Variants in TRIM24 observed in about 807,000 individuals in gnomAD.
TRIM24 encodes transcription intermediary factor 1-alpha.
TRIM24 carries 29 observed loss-of-function variants against 123.9 expected under a neutral mutation model. The ratio of observed to expected loss-of-function variants is 0.23; its 90% CI spans 0.17 to 0.32. TRIM24 has a LOEUF of 0.32. Among genes scored for constraint, TRIM24 ranks in the 10% least tolerant of loss-of-function variants. The probability of loss-of-function intolerance (pLI) is 1.00; values close to 1 mark genes in which losing one functional copy is unlikely to be tolerated. For missense variants in TRIM24, 932 were observed against 1,295.3 expected (o/e 0.72, Z 4.31); for synonymous variants, 456 against 461.1 (o/e 0.99, Z 0.14).
chr7:138,503,478 ATGTT>A (rs966228271), intron 1 of TRIM24, among the ~76,000 whole-genome samples: 21 of 151,934 alleles, frequency 1.4e-4, no homozygotes, highest in Admixed American at 1.2e-3. Flanking sequence ...TTTTCATTAA[ATGTT>A]TGTTTGTTGT....
chr7:138,540,476 A>G (rs1010807441), intron 7 of TRIM24, among the ~76,000 whole-genome samples: 2 of 152,318 alleles, frequency 1.3e-5, no homozygotes, highest in East Asian at 3.9e-4. Flanking sequence ...TCAAAAAACC[A>G]CTTTTCTGTG....
In TRIM24 at chr7:138,549,154, C is replaced by T. The variant is rs922094714; in HGVS notation, c.1144-1909C>T. 9.2e-5 allele frequency among the ~76,000 whole-genome samples: 14 copies of T among 152,168 alleles called. 1 individual carries two copies. The highest frequency in any genetic ancestry group is 1.5e-5 in the Non-Finnish European group (1 of 68,034). ...ATAAACACTTGAGTAATGCCTGGTGCTGTGATGTTACAACAGCTCCAGCAT... is the reference window on the plus strand; with the variant it reads ...ATAAACACTTGAGTAATGCCTGGTGTTGTGATGTTACAACAGCTCCAGCAT... On this transcript the variant is annotated intron_variant, in intron 7 of 18. Coordinates refer to ENST00000343526, the MANE Select transcript of TRIM24 (RefSeq NM_015905.3).
At chr7:138,539,801 C>CTTTTT (rs528996607) in intron 7 of TRIM24, among the ~76,000 whole-genome samples, 1 of 129,628 alleles carries the variant, frequency 7.7e-6, no homozygotes, top group Non-Finnish European at 1.6e-5. Context: ...ATTAAGTAAT[C>CTTTTT]TTTTTTTTTT....
intron 14 of TRIM24, 67 bp from the exon 15 acceptor site, chr7:138,579,137 G>C: frequency 7.4e-7 from 1 of 1,356,156 alleles, no homozygotes. Context: ...GTGGTCTACA[G>C]TTCAGAATTG....
In TRIM24 at chr7:138,538,129, T is replaced by C. The variant is rs117330716; in HGVS notation, c.997-528T>C. Reference sequence around the variant, plus strand: ...TGTTGGCTCCGATGTTAATTCTCAATAGACAAATAATATGATGCCTTTTAA... The same window carrying C: ...TGTTGGCTCCGATGTTAATTCTCAACAGACAAATAATATGATGCCTTTTAA... On this transcript the variant is annotated intron_variant, in intron 6 of 18. Coordinates refer to ENST00000343526, the MANE Select transcript of TRIM24 (RefSeq NM_015905.3). Among the ~76,000 whole-genome samples, 877 of 152,328 alleles carry C rather than the reference T, an allele frequency of 5.8e-3. 30 individuals are homozygous for C. Among genetic ancestry groups the C allele is most frequent in the Admixed American group, 0.048 (729 of 15,302 alleles).
At position 138,460,343 on chromosome 7, in the gene TRIM24, C is replaced by G. The variant is rs1212423133; in HGVS notation, c.-206C>G. On this transcript the variant is annotated 5_prime_UTR_variant, in exon 1 of 19. Transcript: ENST00000343526. ...AGGAACGGTCTCCGCTGACAGATAC[C>G]CTCCTTCCGGCCGCGCCACTCGGGA... The G allele has an allele frequency of 2.2e-6, 1 of 448,902 alleles. No individual in the cohort carries two copies. Among genetic ancestry groups the G allele is most frequent in the Non-Finnish European group, 3.7e-6 (1 of 273,158 alleles). The allele number at this position is 448,902 out of a possible 1,614,324, so 27.8% of individuals were successfully genotyped here. A position where few individuals can be genotyped will look rare whatever the true frequency, so the allele number is the denominator to read the frequency against.
Position 138,554,841 on chromosome 7 carries a change from C to G in TRIM24, c.1405C>G (p.Arg469Gly). Residue 469 changes from arginine (R) to glycine (G), a missense_variant, in exon 9 of 19, where the codon CGG becomes GGG. Arg to Gly is a moderately radical substitution (Grantham distance 125, BLOSUM62 -2). Around this residue, in one of 7 missense-constraint regions of TRIM24, gnomAD observed 527 missense variants for 691.3 expected, o/e 0.76. Coordinates refer to ENST00000343526, the MANE Select transcript of TRIM24 (RefSeq NM_015905.3). This position sits in a 1 kb window ranked among gnomAD's most constrained non-coding sequence, Gnocchi z 4.5. The stretch of plus-strand genomic sequence containing the variant: ...AACACAGATCAGCCTAGCTCAATTA[C>G]GGCTCCAGCATATGCAGCAACAGGT... ...FPTQISLAQL[R>G]LQHMQQQVMA... is the part of the protein sequence containing the mutation. 6.2e-7 allele frequency: 1 copy of G among 1,614,156 alleles called. No individual in the cohort carries two copies. The highest frequency in any genetic ancestry group is 8.5e-7 in the Non-Finnish European group (1 of 1,180,008).
intron 7 of TRIM24, among the ~76,000 whole-genome samples, chr7:138,543,463 A>G (rs1797042665): frequency 6.6e-6 from 1 of 152,148 alleles, no homozygotes; most frequent in African/African-American, 2.4e-5. Flanking sequence ...AAATCATTAT[A>G]TTGTATAACT....
rs1351642415 is a variant in TRIM24, at chr7:138,589,279, T to A, written c.*4328T>A. On this transcript the variant is annotated 3_prime_UTR_variant, in exon 19 of 19. Transcript: ENST00000343526. ...TTTTCTCCATGAAGGTTTTACTTAT[T>A]GAGAGGGACATCTGAGGCAGTAGTC... 1 of 152,220 alleles carries A rather than the reference T, an allele frequency of 6.6e-6. No homozygotes were observed. Among genetic ancestry groups the A allele is most frequent in the Admixed American group, 6.5e-5 (1 of 15,286 alleles). 9.4% of individuals were successfully genotyped at this position (152,220 alleles called of 1,614,324 possible).
At chr7:138,571,364 T>G (rs1797652693) in intron 11 of TRIM24, among the ~76,000 whole-genome samples, 1 of 152,202 alleles carries the variant, frequency 6.6e-6, no homozygotes, top group Non-Finnish European at 1.5e-5. Flanking sequence ...TTATAGGTTG[T>G]TTGTTTTTAC....
chr7:138,531,244 A>G (rs1796731496), intron 6 of TRIM24, among the ~76,000 whole-genome samples: 1 of 151,826 alleles, frequency 6.6e-6, no homozygotes, highest in African/African-American at 2.4e-5. Context: ...GTTACACGTT[A>G]CATGTTACAT....
At chr7:138,577,356 A>G in intron 13 of TRIM24, 64 bp from the exon 14 acceptor site, 2 of 1,312,834 alleles carry the variant, frequency 1.5e-6, no homozygotes, top group East Asian at 2.7e-5. Context: ...TTGTTGTTAT[A>G]CTTTTTATGA....
chr7:138,462,221 G>T (rs1795003519), intron 1 of TRIM24, among the ~76,000 whole-genome samples: 1 of 152,124 alleles, frequency 6.6e-6, no homozygotes, highest in African/African-American at 2.4e-5. Context: ...AAAAGATTAG[G>T]GTTCCCTAAG....
At position 138,497,536 on chromosome 7, in the gene TRIM24, A is replaced by AG. The variant is rs1247533830; in HGVS notation, c.365-6752dup. Among the ~76,000 whole-genome samples the AG allele has an allele frequency of 5.3e-5, 8 of 150,182 alleles. No individual in the cohort carries two copies. The East Asian group carries it at 1.6e-3, about 30-fold the overall frequency. On this transcript the variant is annotated intron_variant, in intron 1 of 18. Coordinates refer to ENST00000343526, the MANE Select transcript of TRIM24 (RefSeq NM_015905.3). ...CTCAGCCTCCCAAGTAGCTAGGATT[A>AG]GGCAGCTACCACCATGTACAGCTAA...
At chr7:138,464,048 G>A (rs1467245754) in intron 1 of TRIM24, among the ~76,000 whole-genome samples, 4 of 125,922 alleles carry the variant, frequency 3.2e-5, no homozygotes, top group Non-Finnish European at 6.3e-5. Context: ...GGGCTGGAGT[G>A]CAGTGGTGCG....
chr7:138,571,524 T>G (rs899226032), intron 11 of TRIM24, among the ~76,000 whole-genome samples: 2 of 152,110 alleles, frequency 1.3e-5, no homozygotes, highest in African/African-American at 2.4e-5. Context: ...GAATCTAAGC[T>G]GGGAAAGGAG....
Position 138,525,267 on chromosome 7 carries a change from A to G in TRIM24, c.791A>G (p.Gln264Arg). ...TACCAATTTATAGAAGAAGCTTTTC[A>G]GAATCAGAAAGTGATCATAGATACA... ...HRYQFIEEAF[Q>R]NQKVIIDTLI... The change falls in exon 5 of 19, where the codon CAG becomes CGG. Residue 264 changes from glutamine (Q) to arginine (R), a missense_variant. By Grantham distance (43) the Gln-to-Arg change is conservative. Around this residue, in one of 7 missense-constraint regions of TRIM24, gnomAD observed 527 missense variants for 691.3 expected, o/e 0.76. Coordinates refer to ENST00000343526, the MANE Select transcript of TRIM24 (RefSeq NM_015905.3). 6.7e-7 allele frequency: 1 copy of G among 1,498,042 alleles called. No homozygotes were observed. Among genetic ancestry groups the G allele is most frequent in the South Asian group, 1.4e-5 (1 of 69,070 alleles). 92.8% of individuals were successfully genotyped at this position (1,498,042 alleles called of 1,614,324 possible). A position where few individuals can be genotyped will look rare whatever the true frequency, so the allele number is the denominator to read the frequency against.
At chr7:138,577,745 A>G (rs1390525884) in intron 14 of TRIM24, among the ~76,000 whole-genome samples, 157 bp downstream of exon 14, 1 of 152,178 alleles carries the variant, frequency 6.6e-6, no homozygotes, top group Non-Finnish European at 1.5e-5. Flanking sequence ...AAAGACAAAG[A>G]TGGAAAAACA....
chr7:138,548,709 G>A (rs925449300), intron 7 of TRIM24, among the ~76,000 whole-genome samples: 1 of 151,736 alleles, frequency 6.6e-6, no homozygotes, highest in African/African-American at 2.4e-5. Context: ...TTTGATTTTT[G>A]TAATAACCAG....
Sources: gnomAD v4.1 joint callset for allele counts (sites outside exome capture counted in the v4.1 genomes callset) on GRCh38, gnomAD v4.1.1 for gene constraint, gnomAD v4.1.1 regional missense constraint, Gnocchi (gnomAD v3.1) non-coding constraint, MANE v1.5 for transcripts, NCBI Gene and HGNC (gene_info 2026-07-23, HGNC 2026-07-21) for gene names.